Variants in IKBKB observed in about 807,000 individuals in gnomAD.
IKBKB encodes the protein inhibitor of nuclear factor kappa B kinase subunit beta.
A neutral mutation model predicts 113.6 loss-of-function variants in IKBKB; 42 were observed. That is an observed-to-expected ratio of 0.37 (90% CI 0.29 to 0.48). The LOEUF is 0.48. Among genes scored for constraint, IKBKB ranks in the 20% least tolerant of loss-of-function variants. IKBKB has a pLI of 0.99. For missense variants in IKBKB, 673 were observed against 939.7 expected (o/e 0.72, Z 3.71); for synonymous variants, 296 against 361.3 (o/e 0.82, Z 2.05).
Position 42,320,803 on chromosome 8 carries a change from G to A in IKBKB, c.1647G>A (p.Arg549=). The change falls in exon 16 of 22, where the codon AGG becomes AGA. Residue 549 remains arginine (R), a synonymous_variant. Transcript: ENST00000520810. ...AGACCGACATTGTGGACTTACAGAGGAGCCCCATGGGCCGGAAGCAGGGGG... is the reference window on the plus strand; with the variant it reads ...AGACCGACATTGTGGACTTACAGAGAAGCCCCATGGGCCGGAAGCAGGGGG... ...ALQTDIVDLQ[R]SPMGRKQGGT... is the part of the protein sequence containing the mutation. The A allele has an allele frequency of 6.2e-7, 1 of 1,608,446 alleles. No homozygotes were observed. The highest frequency in any genetic ancestry group is 8.5e-7 in the Non-Finnish European group (1 of 1,177,208).
chr8:42,319,876 G>T (rs1819439605), intron 15 of IKBKB: 3 of 462,252 alleles, frequency 6.5e-6, no homozygotes, highest in Admixed American at 7.8e-5. Flanking sequence ...GATGGTCCAG[G>T]TTTAAATAAG....
At chr8:42,294,802 C>G (rs1252307002) in intron 5 of IKBKB, among the ~76,000 whole-genome samples, 1 of 152,198 alleles carries the variant, frequency 6.6e-6, no homozygotes, top group Non-Finnish European at 1.5e-5. Context: ...CATAATCCAT[C>G]AGTTAGAAAT....
In IKBKB at chr8:42,288,390, CA is replaced by C. The variant is rs35281996; in HGVS notation, c.106-231del. Among the ~76,000 whole-genome samples, 97,809 of 136,438 alleles carry C rather than the reference CA, an allele frequency of 0.72. 36,444 individuals carry two copies. Among genetic ancestry groups the C allele is most frequent in the East Asian group, 0.85 (4,076 of 4,780 alleles). The allele number at this position is 136,438 out of a possible 152,430, so 89.5% of individuals were successfully genotyped here. A position where few individuals can be genotyped will look rare whatever the true frequency, so the allele number is the denominator to read the frequency against. ...CGACAGAGCAAGACTCCATCTCAAA[CA>C]AAAAAAAAAAAAGAGAGAGAAAGAA... On this transcript the variant is annotated intron_variant, in intron 2 of 21. Transcript: ENST00000520810.
intron 7 of IKBKB, among the ~76,000 whole-genome samples, chr8:42,306,998 A>G (rs937594639): frequency 2.0e-5 from 3 of 152,192 alleles, no homozygotes; most frequent in African/African-American, 4.8e-5. Flanking sequence ...TGCAGTGGGG[A>G]AAAAAGACAA....
intron 2 of IKBKB, among the ~76,000 whole-genome samples, chr8:42,277,724 C>T (rs186631921): frequency 2.1e-3 from 327 of 152,326 alleles, no homozygotes; most frequent in Non-Finnish European, 3.5e-3. Context: ...CTGGTTCTCC[C>T]GGTGAGTTCC....
intron 5 of IKBKB, chr8:42,298,424 CAG>C: frequency 9.1e-6 from 9 of 985,404 alleles, no homozygotes; most frequent in South Asian, 4.7e-5. Flanking sequence ...CGTTAAAGAA[CAG>C]AGGGTTTCAG....
At position 42,305,178 on chromosome 8, in the gene IKBKB, C is replaced by T; in HGVS notation, c.389-9C>T. 1 of 1,608,654 alleles carries T rather than the reference C, an allele frequency of 6.2e-7. No individual in the cohort carries two copies. Among genetic ancestry groups the T allele is most frequent in the Non-Finnish European group, 8.5e-7 (1 of 1,175,234 alleles). On this transcript the variant is annotated splice_polypyrimidine_tract_variant and intron_variant, in intron 5 of 21. Coordinates refer to ENST00000520810, the MANE Select transcript of IKBKB (RefSeq NM_001556.3). ...AGGCCTAAGAAAAACTCACCCCCCT[C>T]TTCCTCAGCCTCTGCGCTTAGATAC... is the stretch of plus-strand genomic sequence containing the variant.
intron 9 of IKBKB, among the ~76,000 whole-genome samples, chr8:42,315,787 C>T (rs541582700): frequency 1.2e-4 from 18 of 152,286 alleles, no homozygotes; most frequent in African/African-American, 3.6e-4. Context: ...CTCAGCCTCC[C>T]GAGTAGCTGG....
Position 42,312,770 on chromosome 8 carries a change from G to A in IKBKB, c.693-1552G>A, listed in dbSNP as rs139587875. ...AAAGCACCAGCCTCTGCCACGCACC[G>A]GCTCTTCTAGCTTTCCAGTGCCAGT... On this transcript the variant is annotated intron_variant, in intron 8 of 21. Coordinates refer to ENST00000520810, the MANE Select transcript of IKBKB (RefSeq NM_001556.3). Among the ~76,000 whole-genome samples the A allele has an allele frequency of 1.5e-4, 23 of 152,308 alleles. No individual in the cohort carries two copies. In the East Asian group the frequency reaches 1.9e-3, roughly 13 times the overall value.
chr8:42,271,421 C>CT lies in IKBKB; in HGVS notation c.-65dup. The CT allele has an allele frequency of 6.7e-7, 1 of 1,503,464 alleles. No individual in the cohort carries two copies. Among genetic ancestry groups the CT allele is most frequent in the Non-Finnish European group, 8.9e-7 (1 of 1,120,764 alleles). 93.1% of individuals were successfully genotyped at this position (1,503,464 alleles called of 1,614,324 possible). A position where few individuals can be genotyped will look rare whatever the true frequency, so the allele number is the denominator to read the frequency against. On this transcript the variant is annotated 5_prime_UTR_variant, in exon 1 of 22. It removes the in-frame stop codon of an upstream open reading frame in the 5' UTR. Transcript: ENST00000520810. ...CCGGGTTTGGCCGCCCCAGCCCCGC[C>CT]TTCCCCGCCCCGGGGAGCCCGCCCC...
chr8:42,300,918 G>A (rs890113663), intron 5 of IKBKB, among the ~76,000 whole-genome samples: 9 of 152,116 alleles, frequency 5.9e-5, no homozygotes, highest in African/African-American at 2.2e-4. Context: ...GCAGTGGCAC[G>A]ATCATGTTTC....
chr8:42,274,211 G>A (rs1232734746), intron 2 of IKBKB, among the ~76,000 whole-genome samples: 1 of 151,992 alleles, frequency 6.6e-6, no homozygotes, highest in Non-Finnish European at 1.5e-5. Flanking sequence ...TGTATTTTTA[G>A]TAGAAATGGG....
At chr8:42,281,737 C>T (rs1015979844) in intron 2 of IKBKB, among the ~76,000 whole-genome samples, 1 of 152,200 alleles carries the variant, frequency 6.6e-6, no homozygotes, top group Non-Finnish European at 1.5e-5. Flanking sequence ...CTTTCTGAAG[C>T]ATTCATTTCA....
chr8:42,317,589 T>A (rs1169795501), intron 11 of IKBKB, 68 bp from the exon 12 acceptor site: 1 of 1,045,468 alleles, frequency 9.6e-7, no homozygotes. Context: ...CTGTGGAACT[T>A]CTTCATTATC....
At position 42,322,428 on chromosome 8, in the gene IKBKB, G is replaced by A. The variant is rs753071649; in HGVS notation, c.1920G>A (p.Glu640=). 6.2e-7 allele frequency: 1 copy of A among 1,614,044 alleles called. No individual in the cohort carries two copies. Among genetic ancestry groups the A allele is most frequent in the African/African-American group, 1.3e-5 (1 of 74,986 alleles). ...TGGTGAGCTTAATGAATGAGGATGA[G>A]AAGACTGTTGTCCGGCTGCAGGAGA... ...EEVVSLMNED[E]KTVVRLQEKR... Residue 640 remains glutamate, a synonymous_variant, in exon 19 of 22, where the codon GAG becomes GAA. Transcript: ENST00000520810.
intron 5 of IKBKB, chr8:42,298,495 C>CT: frequency 1.0e-6 from 1 of 983,698 alleles, no homozygotes; most frequent in Non-Finnish European, 1.2e-6. Context: ...ATCAGGTGCA[C>CT]TGTCTAGCAT....
chr8:42,322,352 CTG>C lies in IKBKB; in HGVS notation c.1847_1848del (p.Val616GlyfsTer22). ...GCCATGTTTATTCTTTGCAGTAAAACTGTGGTTTGCAAGCAGAAGGCGCTGGA... is the reference window on the plus strand; with the variant it reads ...GCCATGTTTATTCTTTGCAGTAAAACTGGTTTGCAAGCAGAAGGCGCTGGA... On this transcript the variant is annotated frameshift_variant, in exon 19 of 22. Transcript: ENST00000520810. LOFTEE classifies it high-confidence loss of function. 5.6e-6 allele frequency: 9 copies of C among 1,613,704 alleles called. No homozygotes were observed. The highest frequency in any genetic ancestry group is 7.6e-6 in the Non-Finnish European group (9 of 1,179,960).
chr8:42,299,245 A>G (rs556474932), intron 5 of IKBKB, among the ~76,000 whole-genome samples: 2 of 152,286 alleles, frequency 1.3e-5, no homozygotes, highest in African/African-American at 4.8e-5. Context: ...GCTCCTGCTC[A>G]TAGCCTTGCA....
rs536378576 is a variant in IKBKB at position 42,296,235 on chromosome 8, G to A, written c.388+2723G>A. Among the ~76,000 whole-genome samples, 15 of 152,326 alleles carry A rather than the reference G, an allele frequency of 9.8e-5. No homozygotes were observed. In the South Asian group the frequency reaches 2.5e-3, roughly 25 times the overall value. On this transcript the variant is annotated intron_variant, in intron 5 of 21. Transcript: ENST00000520810. ...ATGAGAGCTGGATGCGGTGGCTCAC[G>A]CCTGTAATCCCAGCACTTTGGGAGG...
Sources: allele counts gnomAD v4.1 joint callset (sites outside exome capture counted in the v4.1 genomes callset), GRCh38; gene constraint gnomAD v4.1.1; transcripts MANE v1.5; gene names NCBI Gene and HGNC (gene_info 2026-07-23, HGNC 2026-07-21).